Variants in CPXM2 observed in about 807,000 individuals in gnomAD.
CPXM2 encodes the protein inactive carboxypeptidase-like protein X2.
In CPXM2, 66 loss-of-function variants were observed where a neutral mutation model predicts 86.1. That is an observed-to-expected ratio of 0.77 (90% CI 0.63 to 0.94). The LOEUF is 0.94. CPXM2 is among the 40% of genes least tolerant of loss of function. The probability of loss-of-function intolerance (pLI) is 0.00; values close to 1 mark genes in which losing one functional copy is unlikely to be tolerated. For synonymous variants in CPXM2, 388 were observed against 400.2 expected, an observed-to-expected ratio of 0.97 and a Z score of 0.36; for missense variants, 948 against 1,026.3, an observed-to-expected ratio of 0.92 and a Z score of 1.04.
At chr10:123,803,589 T>A (rs756888872) in intron 4 of CPXM2, among the ~76,000 whole-genome samples, 1 of 152,208 alleles carries the variant, frequency 6.6e-6, no homozygotes. Flanking sequence ...ACATTTAAGA[T>A]CTGCAATCCA....
At position 123,757,353 on chromosome 10, in the gene CPXM2, C is replaced by T. The variant is rs761845736; in HGVS notation, c.1778-1G>A. 1 of 1,612,370 alleles carries T rather than the reference C, an allele frequency of 6.2e-7. No individual in the cohort carries two copies. On this transcript the variant is annotated splice_acceptor_variant, in intron 11 of 13. Transcript: ENST00000241305. LOFTEE classifies it high-confidence loss of function. ...TGAAGGTAGCTGAAATCGTTCAGAC[C>T]TGCCAAGCCAACCGGACAACACTTT... is the stretch of plus-strand genomic sequence containing the variant.
rs531392333 is a variant in CPXM2 at position 123,905,516 on chromosome 10, G to A, written n.175-25207C>T. ...TTGAGCCCCTGACTTTTCTGATAAA[G>A]CTTGACCACAGCTCTGAAGCTTTCA... is the stretch of plus-strand genomic sequence containing the variant. On this transcript the variant is annotated intron_variant and non_coding_transcript_variant, in intron 2 of 19. Transcript: ENST00000368854. Among the ~76,000 whole-genome samples the A allele has an allele frequency of 2.6e-5, 4 of 152,296 alleles. No homozygotes were observed. In the South Asian group the frequency reaches 8.3e-4, roughly 32 times the overall value.
chr10:123,779,811 A>G (rs1489715155), intron 7 of CPXM2, among the ~76,000 whole-genome samples: 2 of 152,178 alleles, frequency 1.3e-5, no homozygotes, highest in African/African-American at 4.8e-5. Context: ...ATTTCCCACT[A>G]TTATTATCTA....
chr10:123,823,205 T>A (rs1000834048), intron 4 of CPXM2, among the ~76,000 whole-genome samples: 1 of 152,152 alleles, frequency 6.6e-6, no homozygotes, highest in Non-Finnish European at 1.5e-5. Flanking sequence ...CTGTAGGAGC[T>A]AAGAAACAGA....
chr10:123,856,955 A>G (rs1848739061), intron 3 of CPXM2, among the ~76,000 whole-genome samples: 1 of 152,194 alleles, frequency 6.6e-6, no homozygotes, highest in Non-Finnish European at 1.5e-5. Context: ...GTTAATTTCC[A>G]ATCTGTCCGT....
chr10:123,878,254 C>CT (rs1397114113), intron 2 of CPXM2, among the ~76,000 whole-genome samples: 1 of 150,102 alleles, frequency 6.7e-6, no homozygotes, highest in Non-Finnish European at 1.5e-5. Flanking sequence ...TCCTCAGCTG[C>CT]TTTTCCCCTC....
chr10:123,823,456 T>A (rs1401514124), intron 4 of CPXM2, among the ~76,000 whole-genome samples: 2 of 152,114 alleles, frequency 1.3e-5, no homozygotes, highest in Admixed American at 1.3e-4. Flanking sequence ...AGAAAACCAT[T>A]AAAAATAAGT....
rs192350044 is a variant in CPXM2 at position 123,811,750 on chromosome 10, A to G, written c.654-12551T>C. On this transcript the variant is annotated intron_variant, in intron 4 of 13. Transcript: ENST00000241305. ...AATTCTGTAAATCAATGAGACAAAGAAAAAGCACACAATGTAAATGGAGAA... is the reference window on the plus strand; with the variant it reads ...AATTCTGTAAATCAATGAGACAAAGGAAAAGCACACAATGTAAATGGAGAA... 2.6e-3 allele frequency among the ~76,000 whole-genome samples: 401 copies of G among 152,342 alleles called. 2 individuals carry two copies. The highest frequency in any genetic ancestry group is 1.7e-3 in the Non-Finnish European group (115 of 68,038).
chr10:123,785,459 C>A (rs1376028765), intron 6 of CPXM2, among the ~76,000 whole-genome samples: 2 of 152,108 alleles, frequency 1.3e-5, no homozygotes, highest in Non-Finnish European at 2.9e-5. Context: ...CCAACTTGTC[C>A]CAGATTTTCC....
At chr10:123,803,117 C>CTTTTT (rs1564776992) in intron 4 of CPXM2, among the ~76,000 whole-genome samples, 2 of 60,988 alleles carry the variant, frequency 3.3e-5, no homozygotes, top group African/African-American at 8.4e-5. Context: ...TTTGTAGTAC[C>CTTTTT]CTTTTTTTTT....
chr10:123,784,982 T>G (rs1401626080), intron 6 of CPXM2, among the ~76,000 whole-genome samples: 4 of 152,202 alleles, frequency 2.6e-5, no homozygotes, highest in Non-Finnish European at 5.9e-5. Context: ...GTAAAGGACT[T>G]TGTAATTTTA....
Position 123,794,769 on chromosome 10 carries a change from GCGCA to G in CPXM2, c.889+3203_889+3206del, listed in dbSNP as rs1298243115. ...TGTGTGTGTGTGTGTGTGTGTGTGT[GCGCA>G]TGTGTGTGTGTATTTGAGACAGGGT... On this transcript the variant is annotated intron_variant, in intron 6 of 13. Transcript: ENST00000241305. Among the ~76,000 whole-genome samples, 481 of 140,776 alleles carry G rather than the reference GCGCA, an allele frequency of 3.4e-3. 3 individuals carry two copies. Among genetic ancestry groups the G allele is most frequent in the African/African-American group, 0.013 (456 of 35,850 alleles). The allele number at this position is 140,776 out of a possible 152,430, so 92.4% of individuals were successfully genotyped here.
chr10:123,926,370 A>G (rs902474639), intron 2 of CPXM2, among the ~76,000 whole-genome samples: 1 of 152,190 alleles, frequency 6.6e-6, no homozygotes, highest in Non-Finnish European at 1.5e-5. Context: ...GGGTTCCCCC[A>G]GTGCCCTGGG....
chr10:123,870,809 G>A (rs1285094900), intron 2 of CPXM2, among the ~76,000 whole-genome samples: 1 of 152,170 alleles, frequency 6.6e-6, no homozygotes, highest in Non-Finnish European at 1.5e-5. Context: ...TTAAAGGAAA[G>A]GTGCCCTAAC....
intron 4 of CPXM2, among the ~76,000 whole-genome samples, chr10:123,836,136 G>T (rs146347892): frequency 6.6e-6 from 1 of 152,040 alleles, no homozygotes; most frequent in Non-Finnish European, 1.5e-5. Context: ...TCCCCGCAAC[G>T]GGGATGGTGC....
chr10:123,834,901 T>C (rs776445315), intron 4 of CPXM2, among the ~76,000 whole-genome samples: 34 of 152,066 alleles, frequency 2.2e-4, no homozygotes, highest in Admixed American at 9.8e-4. Flanking sequence ...ACCTTTCCCC[T>C]CTCTCTTGCC....
chr10:123,890,921 G>A (rs888686990), intron 1 of CPXM2, among the ~76,000 whole-genome samples: 1 of 152,196 alleles, frequency 6.6e-6, no homozygotes, highest in Non-Finnish European at 1.5e-5. Context: ...TACTGGCAGA[G>A]CTTTCCCTAG....
At chr10:123,768,261 C>T (rs1440399530) in intron 9 of CPXM2, among the ~76,000 whole-genome samples, 1 of 152,068 alleles carries the variant, frequency 6.6e-6, no homozygotes, top group South Asian at 2.1e-4. Flanking sequence ...GGCCGTAATC[C>T]CAGCTACTTA....
intron 13 of CPXM2, among the ~76,000 whole-genome samples, chr10:123,753,470 C>A (rs2133972030): frequency 6.6e-6 from 1 of 152,316 alleles, no homozygotes; most frequent in South Asian, 2.1e-4. Context: ...TGAAGCCAAA[C>A]CCCACTAACC....
Sources: allele counts gnomAD v4.1 joint callset (sites outside exome capture counted in the v4.1 genomes callset), GRCh38; gene constraint gnomAD v4.1.1; transcripts MANE v1.5; gene names NCBI Gene and HGNC (gene_info 2026-07-23, HGNC 2026-07-21).